Variants in SPG7 observed in about 807,000 individuals in gnomAD.
The protein encoded by SPG7 is mitochondrial inner membrane m-AAA protease component paraplegin.
A neutral mutation model predicts 81.9 loss-of-function variants in SPG7; 103 were observed. That is an observed-to-expected ratio of 1.26 (90% CI 1.07 to 1.48). The LOEUF (loss-of-function observed/expected upper bound fraction) is 1.48, where lower values mean the gene tolerates loss of function less well. SPG7 is among the 40% of genes most tolerant of loss of function. The probability of loss-of-function intolerance (pLI) is 0.00; values close to 1 mark genes in which losing one functional copy is unlikely to be tolerated. For synonymous variants in SPG7, 534 were observed against 444.2 expected (o/e 1.20, Z -2.54); for missense variants, 1,241 against 1,087.3 (o/e 1.14, Z -1.99).
intron 5 of SPG7, 153 bp downstream of exon 5, chr16:89,526,621 A>G (rs1052488304): frequency 2.6e-6 from 2 of 781,560 alleles, no homozygotes; most frequent in Admixed American, 1.9e-5. Flanking sequence ...AGTGAATGAT[A>G]CAATGCCAGG....
intron 10 of SPG7, 43 bp from the exon 11 acceptor site, chr16:89,546,615 C>A: frequency 1.5e-6 from 2 of 1,344,422 alleles, no homozygotes; most frequent in Non-Finnish European, 2.1e-6. Flanking sequence ...GTGGCAGTAA[C>A]TAGGCTTGAG....
In SPG7 at chr16:89,532,650, C is replaced by T. The variant is rs1249410481; in HGVS notation, c.1324+14C>T. 6.2e-6 allele frequency: 10 copies of T among 1,612,744 alleles called. No individual in the cohort carries two copies. The highest frequency in any genetic ancestry group is 1.1e-5 in the South Asian group (1 of 91,066). ...TAGAAATGGATGGTCAGTGCTCGTG[C>T]GCCCCGCACCCCCATTGCACCATCA... is the stretch of plus-strand genomic sequence containing the variant. On this transcript the variant is annotated intron_variant, in intron 9 of 16. Transcript: ENST00000645818.
At chr16:89,531,833 G>T (rs1021396892) in intron 7 of SPG7, 71 bp from the exon 8 acceptor site, 1 of 1,526,274 alleles carries the variant, frequency 6.6e-7, no homozygotes, top group South Asian at 1.1e-5. Flanking sequence ...GACCCAGAGA[G>T]ACCTTACCTC....
chr16:89,513,565 G>T (rs1230084807), intron 3 of SPG7, among the ~76,000 whole-genome samples: 1 of 151,760 alleles, frequency 6.6e-6, no homozygotes, highest in African/African-American at 2.4e-5. Context: ...TATCTATACA[G>T]AAAGAAAAGA....
At chr16:89,529,115 GA>G in intron 5 of SPG7, 1 of 351,754 alleles carries the variant, frequency 2.8e-6, no homozygotes. Flanking sequence ...CCCGGCCTGA[GA>G]TTTGCTTTTT....
intron 9 of SPG7, chr16:89,533,941 G>A (rs1351368433): frequency 6.6e-6 from 1 of 152,224 alleles, no homozygotes; most frequent in Non-Finnish European, 1.5e-5. Flanking sequence ...GGAGTGTGCT[G>A]TGCGATGGTC....
intron 9 of SPG7, chr16:89,541,439 G>A: frequency 1.5e-6 from 1 of 661,580 alleles, no homozygotes; most frequent in Non-Finnish European, 1.9e-6. Context: ...GTTACTGGTT[G>A]TCAGCAGTTA....
intron 16 of SPG7, 154 bp from the exon 17 acceptor site, chr16:89,556,733 G>T: frequency 2.8e-6 from 2 of 708,464 alleles, no homozygotes; most frequent in Non-Finnish European, 5.2e-6. Context: ...TCTTCTTTCG[G>T]AGCTGCCTCC....
chr16:89,543,154 A>G (rs150277415), intron 9 of SPG7: 1,903 of 150,876 alleles, frequency 0.013, 43 homozygotes, highest in African/African-American at 0.041. Flanking sequence ...TCACTGTGTT[A>G]GCCAGGATGC....
At chr16:89,550,971 A>C (rs1049099781) in intron 13 of SPG7, among the ~76,000 whole-genome samples, 4 of 152,222 alleles carry the variant, frequency 2.6e-5, no homozygotes, top group Admixed American at 2.6e-4. Context: ...TTGAGTGTAC[A>C]TTTAAAAAAT....
rs759329959 is a variant in SPG7 at position 89,556,930 on chromosome 16, A to C, written c.2225A>C (p.Asp742Ala). 1 of 1,614,062 alleles carries C rather than the reference A, an allele frequency of 6.2e-7. No individual in the cohort carries two copies. Among genetic ancestry groups the C allele is most frequent in the Non-Finnish European group, 8.5e-7 (1 of 1,179,982 alleles). Residue 742 changes from aspartate to alanine, a missense_variant, in exon 17 of 17, where the codon GAC (aspartate) becomes GCC (alanine). By Grantham distance (126) the Asp-to-Ala change is moderately radical. Transcript: ENST00000645818. ...GAAAAGGAAGTGATAAACTATGAGG[A>C]CATTGAGGCTCTCATTGGCCCGCCG... ...LLEKEVINYE[D>A]IEALIGPPPH...
chr16:89,552,707 T>C (rs2058648290), intron 13 of SPG7: 1 of 481,108 alleles, frequency 2.1e-6, no homozygotes, highest in Non-Finnish European at 3.8e-6. Flanking sequence ...AGCTGTCTTC[T>C]ACGGGCCTTG....
At chr16:89,518,077 G>A (rs1276899119) in intron 3 of SPG7, 6 of 152,232 alleles carry the variant, frequency 3.9e-5, no homozygotes, top group Admixed American at 3.9e-4. Context: ...CTCTGCTGTG[G>A]TTTCGGCGGG....
intron 3 of SPG7, among the ~76,000 whole-genome samples, chr16:89,516,340 G>A (rs569923159): frequency 6.6e-6 from 1 of 151,636 alleles, no homozygotes; most frequent in Non-Finnish European, 1.5e-5. Flanking sequence ...CCAGGAGTTC[G>A]AGACCAGCCT....
chr16:89,527,714 C>A (rs1405439861), intron 5 of SPG7, among the ~76,000 whole-genome samples: 1 of 152,106 alleles, frequency 6.6e-6, no homozygotes, highest in African/African-American at 2.4e-5. Context: ...AAATGAGGGG[C>A]CAGCGGGTAC....
intron 3 of SPG7, chr16:89,516,659 G>T (rs62070324): frequency 2.0e-5 from 3 of 150,568 alleles, no homozygotes; most frequent in Non-Finnish European, 4.4e-5. Flanking sequence ...AGGAGATCGA[G>T]ACCATTTTAG....
rs1213961353 is a variant in SPG7, at chr16:89,556,794, G to A, written c.2182-93G>A. 1.0e-5 allele frequency: 10 copies of A among 1,001,320 alleles called. No individual in the cohort carries two copies. The East Asian group carries it at 2.1e-4, about 21-fold the overall frequency. 62.0% of individuals were successfully genotyped at this position (1,001,320 alleles called of 1,614,324 possible). ...GCCTGTCCTGGGTGTCCTGCACACAGACAGGCCCTCACGCCTCTTGCCACC... is the reference window on the plus strand; with the variant it reads ...GCCTGTCCTGGGTGTCCTGCACACAAACAGGCCCTCACGCCTCTTGCCACC... On this transcript the variant is annotated intron_variant, in intron 16 of 16. Coordinates refer to ENST00000645818, the MANE Select transcript of SPG7 (RefSeq NM_003119.4).
chr16:89,533,740 T>G (rs535875662), intron 9 of SPG7: 16 of 152,346 alleles, frequency 1.1e-4, no homozygotes, highest in African/African-American at 3.6e-4. Flanking sequence ...ACAATTTTTT[T>G]TTTTAATGGA....
At chr16:89,524,809 G>T (rs2058239553) in intron 4 of SPG7, among the ~76,000 whole-genome samples, 1 of 152,152 alleles carries the variant, frequency 6.6e-6, no homozygotes, top group African/African-American at 2.4e-5. Flanking sequence ...TTAACCCAGG[G>T]TAATGTGTGG....
Sources: gnomAD v4.1 joint callset for allele counts (sites outside exome capture counted in the v4.1 genomes callset) on GRCh38, gnomAD v4.1.1 for gene constraint, MANE v1.5 for transcripts, NCBI Gene and HGNC (gene_info 2026-07-23, HGNC 2026-07-21) for gene names.